DNAH14: variants seen among roughly 807,000 people sequenced by gnomAD.
The protein encoded by DNAH14 is dynein axonemal heavy chain 14, also known as axonemal beta dynein heavy chain 14.
A neutral mutation model predicts 520.9 loss-of-function variants in DNAH14; 478 were observed. The observed-to-expected ratio is 0.92, with a 90% CI of 0.85 to 0.99. DNAH14 has a LOEUF of 0.99. DNAH14 is among the 50% of genes least tolerant of loss of function. The pLI is 0.00. For missense variants in DNAH14, 4,831 were observed against 5,234.5 expected (o/e 0.92, Z 2.38); for synonymous variants, 1,581 against 1,757.2 (o/e 0.90, Z 2.51).
chr1:224,977,573 C>T (rs150535284), intron 8 of DNAH14, among the ~76,000 whole-genome samples: 8 of 152,228 alleles, frequency 5.3e-5, no homozygotes, highest in Non-Finnish European at 8.8e-5. Flanking sequence ...CAGTTTATGG[C>T]ATAGATTGTT....
intron 42 of DNAH14, among the ~76,000 whole-genome samples, chr1:225,233,305 T>A (rs1007701161): frequency 3.9e-5 from 6 of 152,206 alleles, no homozygotes; most frequent in African/African-American, 1.4e-4. Flanking sequence ...TGATTTATAT[T>A]CTTCTGGGTA....
At chr1:225,348,573 T>C (rs572901731) in intron 71 of DNAH14, among the ~76,000 whole-genome samples, 2 of 152,282 alleles carry the variant, frequency 1.3e-5, no homozygotes, top group South Asian at 4.1e-4. Flanking sequence ...GAGATATATA[T>C]TCAAAGTGCT....
Position 225,298,854 on chromosome 1 carries a change from G to C in DNAH14, c.8470-2015G>C, listed in dbSNP as rs549074057. On this transcript the variant is annotated intron_variant, in intron 55 of 85. Coordinates refer to ENST00000682510, the MANE Select transcript of DNAH14 (RefSeq NM_001367479.1). ...CTGTATAATGACTGTAGGTGTTTCA[G>C]TGGCAGCGGGGCTGGGGGATTCTTC... Among the ~76,000 whole-genome samples, 8 of 152,360 alleles carry C rather than the reference G, an allele frequency of 5.3e-5. No individual in the cohort carries two copies. In the South Asian group the frequency reaches 1.7e-3, roughly 32 times the overall value.
At chr1:225,392,195 C>T in intron 83 of DNAH14, 96 bp from the exon 84 acceptor site, 1 of 1,400,188 alleles carries the variant, frequency 7.1e-7, no homozygotes, top group Non-Finnish European at 9.6e-7. Flanking sequence ...TTCCTCCACT[C>T]TTCCCTTTCT....
intron 69 of DNAH14, among the ~76,000 whole-genome samples, chr1:225,342,063 A>G (rs1365133791): frequency 6.6e-6 from 1 of 152,210 alleles, no homozygotes; most frequent in Non-Finnish European, 1.5e-5. Flanking sequence ...GAAGCTCTCT[A>G]CACAATTATA....
intron 43 of DNAH14, among the ~76,000 whole-genome samples, chr1:225,251,522 T>C (rs1192037752): frequency 6.6e-6 from 1 of 152,106 alleles, no homozygotes; most frequent in African/African-American, 2.4e-5. Flanking sequence ...TTTGTGTCCT[T>C]CAGTTAGACA....
At chr1:225,156,373 G>C (rs954283665) in intron 34 of DNAH14, among the ~76,000 whole-genome samples, 2 of 152,142 alleles carry the variant, frequency 1.3e-5, no homozygotes, top group African/African-American at 2.4e-5. Flanking sequence ...GGGCAGGGTT[G>C]CTTACTCTCC....
At chr1:224,960,045 C>T in intron 3 of DNAH14, 108 bp from the exon 4 acceptor site, 2 of 1,109,482 alleles carry the variant, frequency 1.8e-6, no homozygotes, top group Non-Finnish European at 2.4e-6. Flanking sequence ...AACTACCATG[C>T]TATACTGCCT....
intron 17 of DNAH14, among the ~76,000 whole-genome samples, chr1:225,070,746 G>A (rs931812822): frequency 9.2e-5 from 14 of 152,150 alleles, no homozygotes; most frequent in Non-Finnish European, 1.8e-4. Context: ...CTGGGCTCGG[G>A]TTGTGAATAT....
rs377610536 is a variant in DNAH14 at position 225,399,286 on chromosome 1, A to C, written c.*17A>C. On this transcript the variant is annotated 3_prime_UTR_variant, in exon 86 of 86. Coordinates refer to ENST00000682510, the MANE Select transcript of DNAH14 (RefSeq NM_001367479.1). The stretch of plus-strand genomic sequence containing the variant: ...GAAAAATAAATGTCCATATCAAACC[A>C]TTTTAATTTTTGACTCTAATCAGAC... The C allele has an allele frequency of 6.5e-7, 1 of 1,533,212 alleles. No homozygotes were observed. The highest frequency in any genetic ancestry group is 1.2e-5 in the South Asian group (1 of 83,522). The allele number at this position is 1,533,212 out of a possible 1,614,324, so 95.0% of individuals were successfully genotyped here.
chr1:224,934,750 C>A (rs2058916018), intron 1 of DNAH14, among the ~76,000 whole-genome samples: 1 of 151,746 alleles, frequency 6.6e-6, no homozygotes, highest in East Asian at 1.9e-4. Context: ...TGTCTAAAGT[C>A]AAAGATAGAA....
chr1:225,370,586 A>C (rs1479930552), intron 77 of DNAH14, among the ~76,000 whole-genome samples: 2 of 152,042 alleles, frequency 1.3e-5, no homozygotes, highest in Non-Finnish European at 2.9e-5. Context: ...CTTCATACCA[A>C]AAATTACAAG....
chr1:225,305,881 G>A (rs10495234), intron 58 of DNAH14, among the ~76,000 whole-genome samples: 44,247 of 152,142 alleles, frequency 0.29, 7,119 homozygotes, highest in East Asian at 0.44. Context: ...GCCTGGGCCA[G>A]ATCCATTCCA....
In DNAH14 at chr1:225,345,068, C is replaced by T. The variant is rs146946236; in HGVS notation, c.10679-894C>T. Among the ~76,000 whole-genome samples the T allele has an allele frequency of 2.8e-3, 421 of 152,126 alleles. 1 individual carries two copies. Among genetic ancestry groups the T allele is most frequent in the Admixed American group, 4.5e-3 (68 of 15,268 alleles). ...TTCTCTTTGGTTGATTGCCCAAACT[C>T]GGTGGGAAATGGTGTGGTAGGGTGA... is the stretch of plus-strand genomic sequence containing the variant. On this transcript the variant is annotated intron_variant, in intron 69 of 85. Transcript: ENST00000682510.
chr1:225,069,448 A>C (rs1243785364), intron 17 of DNAH14, among the ~76,000 whole-genome samples: 2 of 152,146 alleles, frequency 1.3e-5, no homozygotes, highest in African/African-American at 4.8e-5. Context: ...CATTTTCTGC[A>C]TCTCTTAGAT....
chr1:225,005,248 A>T (rs1477453629), intron 9 of DNAH14, among the ~76,000 whole-genome samples: 1 of 152,104 alleles, frequency 6.6e-6, no homozygotes, highest in East Asian at 1.9e-4. Flanking sequence ...AAAAATGTAA[A>T]TATTTGTGTC....
rs1352616353 is a variant in DNAH14 at position 225,271,926 on chromosome 1, C to A, written c.7692C>A (p.Phe2564Leu). 1 of 1,542,354 alleles carries A rather than the reference C, an allele frequency of 6.5e-7. No individual in the cohort carries two copies. Among genetic ancestry groups the A allele is most frequent in the East Asian group, 2.5e-5 (1 of 40,740 alleles). The change falls in exon 51 of 86, where the codon TTC (phenylalanine) becomes TTA (leucine). Residue 2564 changes from phenylalanine to leucine, a missense_variant. Physicochemically the swap from Phe to Leu is conservative, Grantham distance 22 (BLOSUM62 0). Coordinates refer to ENST00000682510, the MANE Select transcript of DNAH14 (RefSeq NM_001367479.1). ...TIFQAHLGIY[F>L]SINNFTPEVQ... ...TAAAGGCTCATTTGGGAATTTATTTCTCCATCAATAACTTCACACCTGAAG... is the reference window on the plus strand; with the variant it reads ...TAAAGGCTCATTTGGGAATTTATTTATCCATCAATAACTTCACACCTGAAG...
At chr1:225,036,700 T>A (rs1008803529) in intron 11 of DNAH14, among the ~76,000 whole-genome samples, 8 of 152,204 alleles carry the variant, frequency 5.3e-5, no homozygotes, top group Admixed American at 6.5e-5. Context: ...CCCAAGAGAC[T>A]TTCCCTTCAC....
At chr1:225,104,554 A>C (rs1409932510) in intron 23 of DNAH14, among the ~76,000 whole-genome samples, 1 of 152,102 alleles carries the variant, frequency 6.6e-6, no homozygotes, top group African/African-American at 2.4e-5. Flanking sequence ...TTATTGCCTC[A>C]ATTTCAGAGC....
Sources: allele counts gnomAD v4.1 joint callset (sites outside exome capture counted in the v4.1 genomes callset), GRCh38; gene constraint gnomAD v4.1.1; transcripts MANE v1.5; gene names NCBI Gene and HGNC (gene_info 2026-07-23, HGNC 2026-07-21).